The following BABAM2 variants were observed in gnomAD, a reference collection of about 807,000 sequenced individuals.
The protein encoded by BABAM2 is BRISC and BRCA1-A complex member 2.
Under a neutral mutation model 54.7 loss-of-function variants are expected in BABAM2, and 31 were observed. That is an observed-to-expected ratio of 0.57 (90% CI 0.43 to 0.77). BABAM2 has a LOEUF of 0.77. Among genes scored for constraint, BABAM2 ranks in the 30% least tolerant of loss-of-function variants. BABAM2 has a pLI of 0.00. For missense variants in BABAM2, 364 were observed against 455.8 expected (o/e 0.80, Z 1.83); for synonymous variants, 167 against 162.9 (o/e 1.03, Z -0.19).
intron 2 of BABAM2, among the ~76,000 whole-genome samples, chr2:27,904,457 A>G (rs1398720549): frequency 6.6e-6 from 1 of 152,218 alleles, no homozygotes. Flanking sequence ...CAGTCCTCCA[A>G]TAAAAAGGCC....
chr2:28,081,843 A>G (rs559613983), intron 6 of BABAM2, among the ~76,000 whole-genome samples: 198 of 152,338 alleles, frequency 1.3e-3, no homozygotes, highest in Non-Finnish European at 2.3e-3. Flanking sequence ...CATGATACGG[A>G]TAACAAAAAG....
At chr2:27,971,685 T>G (rs1016320890) in intron 3 of BABAM2, among the ~76,000 whole-genome samples, 4 of 151,884 alleles carry the variant, frequency 2.6e-5, no homozygotes, top group African/African-American at 9.7e-5. Flanking sequence ...TTGCTAAATT[T>G]TCCCATGTGT....
intron 11 of BABAM2, among the ~76,000 whole-genome samples, chr2:28,306,994 C>CTTT (rs1558517386): frequency 2.7e-5 from 2 of 73,096 alleles, no homozygotes; most frequent in African/African-American, 1.0e-4. Flanking sequence ...CCACACCTGG[C>CTTT]CTTTTTTTTT....
intron 6 of BABAM2, among the ~76,000 whole-genome samples, chr2:28,085,579 G>T (rs1371873747): frequency 6.6e-6 from 1 of 152,064 alleles, no homozygotes; most frequent in Non-Finnish European, 1.5e-5. Context: ...GCTTGTCAAA[G>T]TAATGAATAT....
Position 28,183,739 on chromosome 2 carries a change from T to TCTCTCTCACA in BABAM2, c.681-53462_681-53461insTCTCTCACAC, listed in dbSNP as rs1553336494. Reference sequence around the variant, plus strand: ...ATTTTATGTTACTTTTGGATGAAGATCACACACACACACACACACACACAC... The same window carrying TCTCTCTCACA: ...ATTTTATGTTACTTTTGGATGAAGATCTCTCTCACACACACACACACACACACACACACAC... On this transcript the variant is annotated intron_variant, in intron 7 of 11. Transcript: ENST00000379624. 3.8e-4 allele frequency among the ~76,000 whole-genome samples: 50 copies of TCTCTCTCACA among 133,216 alleles called. 1 individual carries two copies. In the South Asian group the frequency reaches 5.1e-3, roughly 14 times the overall value. The allele number at this position is 133,216 out of a possible 152,430, so 87.4% of individuals were successfully genotyped here. A position where few individuals can be genotyped will look rare whatever the true frequency, so the allele number is the denominator to read the frequency against.
At chr2:28,148,786 C>T (rs1671745051) in intron 7 of BABAM2, among the ~76,000 whole-genome samples, 1 of 152,228 alleles carries the variant, frequency 6.6e-6, no homozygotes, top group Non-Finnish European at 1.5e-5. Context: ...AACTTTTCCT[C>T]CTTGCTTATG....
chr2:28,053,282 C>A (rs1678138937), intron 6 of BABAM2, among the ~76,000 whole-genome samples: 1 of 152,128 alleles, frequency 6.6e-6, no homozygotes, highest in Non-Finnish European at 1.5e-5. Flanking sequence ...ACTTAATAGT[C>A]AGCTTTTAGA....
At chr2:28,243,069 A>G (rs1305120975) in intron 9 of BABAM2, among the ~76,000 whole-genome samples, 1 of 152,202 alleles carries the variant, frequency 6.6e-6, no homozygotes, top group Non-Finnish European at 1.5e-5. Flanking sequence ...TGAAAATTAC[A>G]TTGACATTTG....
intron 11 of BABAM2, among the ~76,000 whole-genome samples, chr2:28,328,802 T>C (rs1406278547): frequency 1.3e-5 from 2 of 152,194 alleles, no homozygotes; most frequent in South Asian, 2.1e-4. Context: ...CCACACCCAG[T>C]AGTGTTGTGA....
At chr2:28,250,792 G>C (rs1326117964) in intron 10 of BABAM2, among the ~76,000 whole-genome samples, 1 of 151,822 alleles carries the variant, frequency 6.6e-6, no homozygotes, top group African/African-American at 2.4e-5. Context: ...GTAGAGACAG[G>C]GTTTTGCCGT....
chr2:28,088,529 G>A (rs1408185596), intron 6 of BABAM2, among the ~76,000 whole-genome samples: 2 of 152,174 alleles, frequency 1.3e-5, no homozygotes, highest in Non-Finnish European at 2.9e-5. Context: ...TGTTCTCCCA[G>A]GTGAGGAGAC....
At chr2:28,035,079 T>G (rs1157636698) in intron 5 of BABAM2, among the ~76,000 whole-genome samples, 3 of 152,130 alleles carry the variant, frequency 2.0e-5, no homozygotes, top group African/African-American at 7.2e-5. Flanking sequence ...ACAAAAAAAC[T>G]CATTAATGAT....
intron 6 of BABAM2, among the ~76,000 whole-genome samples, chr2:28,105,597 A>AATAG (rs1389731856): frequency 6.6e-6 from 1 of 152,250 alleles, no homozygotes; most frequent in African/African-American, 2.4e-5. Flanking sequence ...AAATCTTCAA[A>AATAG]ATAGAAATAA....
chr2:27,987,883 G>T, intron 3 of BABAM2, 110 bp from the exon 4 acceptor site: 1 of 903,762 alleles, frequency 1.1e-6, no homozygotes, highest in African/African-American at 1.7e-5. Flanking sequence ...TTTTCAAATG[G>T]TTTTCTTAAA....
chr2:28,283,249 G>C (rs1422750447), intron 10 of BABAM2, among the ~76,000 whole-genome samples: 1 of 152,168 alleles, frequency 6.6e-6, no homozygotes, highest in African/African-American at 2.4e-5. Context: ...AGCAGTTGAG[G>C]CAGTTCACCA....
At chr2:28,278,228 G>C (rs965862398) in intron 10 of BABAM2, among the ~76,000 whole-genome samples, 1 of 152,146 alleles carries the variant, frequency 6.6e-6, no homozygotes, top group Non-Finnish European at 1.5e-5. Flanking sequence ...TTTTGAACAG[G>C]GATGTGGCAT....
chr2:27,936,914 A>G (rs1251955367), intron 3 of BABAM2, among the ~76,000 whole-genome samples: 1 of 152,154 alleles, frequency 6.6e-6, no homozygotes, highest in Non-Finnish European at 1.5e-5. Flanking sequence ...TAACCTGCAC[A>G]TTGTGTACAT....
chr2:27,924,781 A>G (rs1667567553), intron 2 of BABAM2, among the ~76,000 whole-genome samples: 1 of 152,260 alleles, frequency 6.6e-6, no homozygotes, highest in Non-Finnish European at 1.5e-5. Context: ...AACCAATTTT[A>G]GACAGAGGTA....
chr2:28,026,852 T>A lies in BABAM2; in HGVS notation c.495+1432T>A, dbSNP rs13412608. 2.5e-4 allele frequency among the ~76,000 whole-genome samples: 16 copies of A among 64,510 alleles called. 1 individual carries two copies. The highest frequency in any genetic ancestry group is 5.6e-4 in the African/African-American group (7 of 12,588). 42.3% of individuals were successfully genotyped at this position (64,510 alleles called of 152,430 possible). On this transcript the variant is annotated intron_variant, in intron 5 of 11. Transcript: ENST00000379624. ...TATATAAATATATATAAATATATATTTATATATATAGATATATATATTTAT... is the reference window on the plus strand; with the variant it reads ...TATATAAATATATATAAATATATATATATATATATAGATATATATATTTAT...
Sources: gnomAD v4.1 joint callset for allele counts (sites outside exome capture counted in the v4.1 genomes callset) on GRCh38, gnomAD v4.1.1 for gene constraint, MANE v1.5 for transcripts, NCBI Gene and HGNC (gene_info 2026-07-23, HGNC 2026-07-21) for gene names.